The following BNIP3L variants were observed in gnomAD, a reference collection of about 807,000 sequenced individuals.
BNIP3L encodes the protein BCL2/adenovirus E1B 19 kDa protein-interacting protein 3-like.
A neutral mutation model predicts 25.5 loss-of-function variants in BNIP3L; 10 were observed. The observed-to-expected ratio is 0.39, with a 90% CI of 0.24 to 0.67. The LOEUF (loss-of-function observed/expected upper bound fraction) is 0.67, where lower values mean the gene tolerates loss of function less well. Ranked by LOEUF, BNIP3L falls within the 30% of genes least tolerant of loss-of-function variation. The pLI, the probability that BNIP3L is intolerant of heterozygous loss-of-function variation, is 0.45. For synonymous variants in BNIP3L, 113 were observed against 101.2 expected (o/e 1.12, Z -0.70); for missense variants, 215 against 270.9 (o/e 0.79, Z 1.45).
intron 1 of BNIP3L, among the ~76,000 whole-genome samples, chr8:26,386,113 G>A (rs745414411): frequency 3.3e-5 from 5 of 152,170 alleles, no homozygotes; most frequent in African/African-American, 9.7e-5. Flanking sequence ...TGGTTCAGGG[G>A]TCAAAGCAGG....
chr8:26,386,423 T>C (rs111265464), intron 1 of BNIP3L, among the ~76,000 whole-genome samples: 1,773 of 152,268 alleles, frequency 0.012, 18 homozygotes, highest in Non-Finnish European at 0.019. Context: ...TTTTCAAATT[T>C]TCTTGTTCTT....
chr8:26,385,812 G>C (rs1233358309), intron 1 of BNIP3L, among the ~76,000 whole-genome samples: 1 of 152,144 alleles, frequency 6.6e-6, no homozygotes, highest in Non-Finnish European at 1.5e-5. Flanking sequence ...TTTTGTGTGG[G>C]ATAGGGTGAG....
At chr8:26,410,034 CAAAGAGGAACATCTTGAAGG>C (rs1400393360) in intron 5 of BNIP3L, among the ~76,000 whole-genome samples, 14 of 152,064 alleles carry the variant, frequency 9.2e-5, no homozygotes, top group Non-Finnish European at 1.3e-4. Flanking sequence ...TTCTGTCCAC[CAAAGAGGAACATCTTGAAGG>C]AGTTGGGCTG....
intron 1 of BNIP3L, among the ~76,000 whole-genome samples, chr8:26,386,098 A>T (rs1805985448): frequency 6.6e-6 from 1 of 152,210 alleles, no homozygotes; most frequent in South Asian, 2.1e-4. Context: ...TTGGGATTTT[A>T]TCTTTGGTTC....
chr8:26,390,341 A>G (rs1806075829), intron 1 of BNIP3L: 1 of 984,152 alleles, frequency 1.0e-6, no homozygotes, highest in African/African-American at 1.7e-5. Context: ...CAGAATTACC[A>G]GTGGCACATC....
At chr8:26,389,380 A>G (rs2117467158) in intron 1 of BNIP3L, among the ~76,000 whole-genome samples, 2 of 152,170 alleles carry the variant, frequency 1.3e-5, no homozygotes, top group South Asian at 4.2e-4. Context: ...TATACACTCC[A>G]GAGGCACTCG....
rs1806600275 is a variant in BNIP3L, at chr8:26,410,599, T to C, written c.*187T>C. ...CTGTTGAGGCATTTTACTAACCTTA[T>C]ACCCTTTTTGGCCTGAAGACATTTT... is the stretch of plus-strand genomic sequence containing the variant. On this transcript the variant is annotated 3_prime_UTR_variant, in exon 6 of 6. Transcript: ENST00000380629. 5 of 655,266 alleles carry C rather than the reference T, an allele frequency of 7.6e-6. No homozygotes were observed. The highest frequency in any genetic ancestry group is 1.3e-5 in the Non-Finnish European group (5 of 385,406). 40.6% of individuals were successfully genotyped at this position (655,266 alleles called of 1,614,324 possible).
rs1435599812 is a variant in BNIP3L at position 26,410,483 on chromosome 8, C to T, written c.*71C>T. 6.4e-7 allele frequency: 1 copy of T among 1,570,188 alleles called. No individual in the cohort carries two copies. Among genetic ancestry groups the T allele is most frequent in the Non-Finnish European group, 8.8e-7 (1 of 1,140,774 alleles). On this transcript the variant is annotated 3_prime_UTR_variant, in exon 6 of 6. Coordinates refer to ENST00000380629, the MANE Select transcript of BNIP3L (RefSeq NM_004331.3). Reference sequence around the variant, plus strand: ...GTATTGTCACAGTAGCTTATTTGAACTTGAGACCATTGTAAGCATGACCCA... The same window carrying T: ...GTATTGTCACAGTAGCTTATTTGAATTTGAGACCATTGTAAGCATGACCCA...
chr8:26,385,183 A>T (rs980775475), intron 1 of BNIP3L, among the ~76,000 whole-genome samples: 2 of 152,160 alleles, frequency 1.3e-5, no homozygotes, highest in African/African-American at 4.8e-5. Flanking sequence ...GTTTCTTTTT[A>T]GTATTGTTTC....
Position 26,383,126 on chromosome 8 carries a change from C to T in BNIP3L, c.-5C>T, listed in dbSNP as rs759538751. 5 of 1,607,424 alleles carry T rather than the reference C, an allele frequency of 3.1e-6. No individual in the cohort carries two copies. The highest frequency in any genetic ancestry group is 2.7e-5 in the African/African-American group (2 of 74,976). ...TGCTGCCGCAGTCCTGCCAGCTGTC[C>T]GACAATGTCGTCCCACCTAGTCGAG... On this transcript the variant is annotated 5_prime_UTR_variant, in exon 1 of 6. Transcript: ENST00000380629.
intron 2 of BNIP3L, among the ~76,000 whole-genome samples, chr8:26,392,531 G>A (rs3808581): frequency 0.19 from 29,505 of 152,032 alleles, 3,090 homozygotes; most frequent in East Asian, 0.41. Context: ...CCAAGGCAGC[G>A]GGGGACTGGT....
chr8:26,383,378 C>T lies in BNIP3L; in HGVS notation c.100+148C>T, dbSNP rs1034610729. 1.6e-5 allele frequency: 24 copies of T among 1,457,620 alleles called. No homozygotes were observed. In the African/African-American group the frequency reaches 3.0e-4, roughly 18 times the overall value. 90.3% of individuals were successfully genotyped at this position (1,457,620 alleles called of 1,614,324 possible). The stretch of plus-strand genomic sequence containing the variant: ...CCAGGTGACTGACAGCTCCCGTCCC[C>T]TGTCAAGAGGAGGGGCGCCTGCCTT... On this transcript the variant is annotated intron_variant, in intron 1 of 5. Transcript: ENST00000380629.
chr8:26,390,144 G>A (rs75353195), intron 1 of BNIP3L, among the ~76,000 whole-genome samples: 2,458 of 152,238 alleles, frequency 0.016, 65 homozygotes, highest in African/African-American at 0.057. Context: ...TGTAGAGACA[G>A]GGTCTTGCCA....
chr8:26,394,713 C>G (rs982413148), intron 2 of BNIP3L, among the ~76,000 whole-genome samples: 1 of 152,154 alleles, frequency 6.6e-6, no homozygotes, highest in Admixed American at 6.6e-5. Context: ...GAAAATTCCA[C>G]TATACACATG....
At chr8:26,392,057 G>A (rs1413960848) in intron 2 of BNIP3L, among the ~76,000 whole-genome samples, 1 of 152,040 alleles carries the variant, frequency 6.6e-6, no homozygotes, top group Non-Finnish European at 1.5e-5. Flanking sequence ...CTATATTTGA[G>A]CTGAAGAAAC....
intron 5 of BNIP3L, among the ~76,000 whole-genome samples, chr8:26,409,237 T>C (rs1315362933): frequency 2.0e-5 from 3 of 152,236 alleles, no homozygotes; most frequent in Non-Finnish European, 4.4e-5. Context: ...ATTGCTTTTT[T>C]TCCTTGATTT....
At chr8:26,406,284 C>T (rs954597221) in intron 3 of BNIP3L, among the ~76,000 whole-genome samples, 4 of 152,240 alleles carry the variant, frequency 2.6e-5, no homozygotes, top group African/African-American at 2.4e-5. Context: ...AACATAGTTT[C>T]GAAACCTTGG....
rs570824659 is a variant in BNIP3L, at chr8:26,410,929, CAAAAA to C, written c.*523_*527del. The stretch of plus-strand genomic sequence containing the variant: ...GATAGTTATTAAAAAGAAAACAAAA[CAAAAA>C]AAAAAGGCAAGGCACAACAAAAAAA... On this transcript the variant is annotated 3_prime_UTR_variant, in exon 6 of 6. Transcript: ENST00000380629. 7.8e-6 allele frequency: 1 copy of C among 127,438 alleles called. No homozygotes were observed. The highest frequency in any genetic ancestry group is 1.7e-5 in the Non-Finnish European group (1 of 58,558). The allele number at this position is 127,438 out of a possible 1,614,324, so 7.9% of individuals were successfully genotyped here.
rs1806642989 is a variant in BNIP3L at position 26,412,195 on chromosome 8, T to C, written c.*1783T>C. ...CTCTTAAACCTGGTAACACTTGATT[T>C]GCCTTCTATAACCTATTTATTTCAA... On this transcript the variant is annotated 3_prime_UTR_variant, in exon 6 of 6. Coordinates refer to ENST00000380629, the MANE Select transcript of BNIP3L (RefSeq NM_004331.3). 1 of 152,212 alleles carries C rather than the reference T, an allele frequency of 6.6e-6. No homozygotes were observed. Among genetic ancestry groups the C allele is most frequent in the African/African-American group, 2.4e-5 (1 of 41,444 alleles). The allele number at this position is 152,212 out of a possible 1,614,324, so 9.4% of individuals were successfully genotyped here.
Sources: allele counts gnomAD v4.1 joint callset (sites outside exome capture counted in the v4.1 genomes callset), GRCh38; gene constraint gnomAD v4.1.1; transcripts MANE v1.5; gene names NCBI Gene and HGNC (gene_info 2026-07-23, HGNC 2026-07-21).